STPG2: variants seen among roughly 807,000 people sequenced by gnomAD.
The protein encoded by STPG2 is sperm tail PG-rich repeat containing 2.
Under a neutral mutation model 54.2 loss-of-function variants are expected in STPG2, and 56 were observed. That is an observed-to-expected ratio of 1.03 (90% CI 0.83 to 1.29). The LOEUF is 1.29. Ranked by LOEUF, STPG2 falls within the 50% of genes most tolerant of loss-of-function variation. STPG2 has a pLI of 0.00. For synonymous variants in STPG2, 200 were observed against 181.8 expected, an observed-to-expected ratio of 1.10 and a Z score of -0.81; for missense variants, 596 against 544.9, an observed-to-expected ratio of 1.09 and a Z score of -0.93.
intron 9 of STPG2, among the ~76,000 whole-genome samples, chr4:97,813,440 T>C (rs1465532571): frequency 4.6e-5 from 7 of 152,146 alleles, no homozygotes; most frequent in Non-Finnish European, 8.8e-5. Context: ...ATGGGTACTA[T>C]GCTAGGAGAT....
At chr4:97,964,640 A>C (rs1470390308) in intron 7 of STPG2, among the ~76,000 whole-genome samples, 1 of 152,174 alleles carries the variant, frequency 6.6e-6, no homozygotes, top group Non-Finnish European at 1.5e-5. Flanking sequence ...ATGTATCAGC[A>C]ATTAAGGGCA....
chr4:97,482,077 A>G (rs1338370223), intron 4 of STPG2, among the ~76,000 whole-genome samples: 1 of 151,582 alleles, frequency 6.6e-6, no homozygotes, highest in Non-Finnish European at 1.5e-5. Context: ...TCTTTTTGGT[A>G]TCTTTTAAGA....
rs139649177 is a variant in STPG2 at position 97,464,330 on chromosome 4, C to T, written c.462+248369G>A. 4.6e-4 allele frequency among the ~76,000 whole-genome samples: 70 copies of T among 152,238 alleles called. 1 individual carries two copies. The East Asian group carries it at 0.01, about 23-fold the overall frequency. ...GGTATTATAAGTAATCTAGAGATTA[C>T]TTAATACTTTGGAAGATGCCAAACT... On this transcript the variant is annotated intron_variant, in intron 4 of 4. Transcript: ENST00000522676.
chr4:97,816,654 C>A (rs578039723), intron 9 of STPG2, among the ~76,000 whole-genome samples: 13 of 152,152 alleles, frequency 8.5e-5, no homozygotes, highest in Non-Finnish European at 1.8e-4. Flanking sequence ...CCTTTCAGGG[C>A]CTAAATAGAA....
At chr4:97,905,465 A>G (rs1381226848) in intron 8 of STPG2, among the ~76,000 whole-genome samples, 1 of 152,210 alleles carries the variant, frequency 6.6e-6, no homozygotes. Context: ...AGTGCCAAAC[A>G]TGGAAAGGAA....
At chr4:97,885,034 A>C (rs1730512901) in intron 8 of STPG2, among the ~76,000 whole-genome samples, 1 of 152,156 alleles carries the variant, frequency 6.6e-6, no homozygotes, top group Non-Finnish European at 1.5e-5. Context: ...AACAATTTAA[A>C]ACTGTACCTC....
At chr4:97,647,251 C>G (rs1469630812) in intron 10 of STPG2, among the ~76,000 whole-genome samples, 1 of 152,122 alleles carries the variant, frequency 6.6e-6, no homozygotes. Context: ...TAAATAAGCA[C>G]TCAAATGCTT....
intron 4 of STPG2, among the ~76,000 whole-genome samples, chr4:97,477,103 A>AGT (rs1730091159): frequency 6.6e-6 from 1 of 152,112 alleles, no homozygotes; most frequent in Non-Finnish European, 1.5e-5. Context: ...GAGTCCTCTG[A>AGT]GTGTGTGTGT....
chr4:97,818,504 T>G (rs1013021043), intron 9 of STPG2, among the ~76,000 whole-genome samples: 1 of 151,976 alleles, frequency 6.6e-6, no homozygotes, highest in Non-Finnish European at 1.5e-5. Flanking sequence ...ATTTTCAGAC[T>G]GCACTTGATT....
At chr4:97,824,654 T>A (rs1487887463) in intron 9 of STPG2, among the ~76,000 whole-genome samples, 2 of 152,140 alleles carry the variant, frequency 1.3e-5, no homozygotes, top group East Asian at 3.9e-4. Context: ...GTCTCTGCCA[T>A]CTGGAGGACA....
chr4:97,736,430 G>A (rs536367298), intron 9 of STPG2, among the ~76,000 whole-genome samples: 1 of 152,216 alleles, frequency 6.6e-6, no homozygotes, highest in Admixed American at 6.5e-5. Context: ...GGAAGCACAA[G>A]GGGTCAGGGA....
chr4:98,102,321 T>G (rs1739062996), intron 5 of STPG2, among the ~76,000 whole-genome samples: 2 of 152,206 alleles, frequency 1.3e-5, no homozygotes, highest in Admixed American at 1.3e-4. Context: ...TCTGCTTTTG[T>G]AAATGAAAGT....
At chr4:97,822,452 G>A (rs1037500244) in intron 9 of STPG2, among the ~76,000 whole-genome samples, 1 of 152,156 alleles carries the variant, frequency 6.6e-6, no homozygotes, top group Non-Finnish European at 1.5e-5. Context: ...CTGTTACTCA[G>A]TTCCAAAGTT....
intron 10 of STPG2, among the ~76,000 whole-genome samples, chr4:97,644,892 A>C (rs1456601184): frequency 6.6e-6 from 1 of 151,990 alleles, no homozygotes; most frequent in African/African-American, 2.4e-5. Flanking sequence ...AGAGATATTA[A>C]AGCTTTTGTC....
chr4:97,829,842 T>C (rs114974173), intron 9 of STPG2, among the ~76,000 whole-genome samples: 3,880 of 151,964 alleles, frequency 0.026, 154 homozygotes, highest in African/African-American at 0.087. Context: ...TGAAAATGAA[T>C]GAACAAAGCC....
intron 10 of STPG2, among the ~76,000 whole-genome samples, chr4:97,653,116 T>G (rs565091159): frequency 6.8e-5 from 8 of 117,566 alleles, no homozygotes; most frequent in Non-Finnish European, 1.4e-4. Flanking sequence ...GATAGATAGG[T>G]AGATAGATAG....
intron 8 of STPG2, among the ~76,000 whole-genome samples, chr4:97,929,836 T>C (rs929564139): frequency 1.3e-5 from 2 of 152,174 alleles, no homozygotes; most frequent in African/African-American, 4.8e-5. Flanking sequence ...GTCTGCTCAC[T>C]CTGTTGATAG....
intron 5 of STPG2, among the ~76,000 whole-genome samples, chr4:98,072,777 C>T (rs1175405408): frequency 6.6e-6 from 1 of 152,058 alleles, no homozygotes; most frequent in East Asian, 1.9e-4. Flanking sequence ...TGTCTAAATC[C>T]ATTTGGGCTT....
chr4:97,705,381 A>G (rs1723909339), intron 10 of STPG2, among the ~76,000 whole-genome samples: 1 of 151,480 alleles, frequency 6.6e-6, no homozygotes, highest in Non-Finnish European at 1.5e-5. Context: ...GCTGGAGTGC[A>G]GTGGCGCGAT....
Sources: gnomAD v4.1 joint callset for allele counts (sites outside exome capture counted in the v4.1 genomes callset) on GRCh38, gnomAD v4.1.1 for gene constraint, MANE v1.5 for transcripts, NCBI Gene and HGNC (gene_info 2026-07-23, HGNC 2026-07-21) for gene names.